Variants in NSD1 observed in about 807,000 individuals in gnomAD.
The protein encoded by NSD1 is nuclear receptor binding SET domain protein 1, also known as histone-lysine N-methyltransferase, H3 lysine-36 specific.
A neutral mutation model predicts 242.7 loss-of-function variants in NSD1; 26 were observed. The ratio of observed to expected loss-of-function variants is 0.11; its 90% CI spans 0.08 to 0.15. NSD1 has a LOEUF of 0.15. NSD1 is among the 10% of genes least tolerant of loss of function. The probability of loss-of-function intolerance (pLI) is 1.00; values close to 1 mark genes in which losing one functional copy is unlikely to be tolerated. For synonymous variants in NSD1, 1,106 were observed against 1,178.1 expected (o/e 0.94, Z 1.25); for missense variants, 2,495 against 3,272.8 (o/e 0.76, Z 5.80).
Position 177,164,504 on chromosome 5 carries a change from C to G in NSD1, c.928-27380C>G, listed in dbSNP as rs183568511. On this transcript the variant is annotated intron_variant, in intron 2 of 22. Transcript: ENST00000439151. The stretch of plus-strand genomic sequence containing the variant: ...TATGAGGATTTATTTCCTTGTCTGA[C>G]TTCTGAGTTGTAATCGTTTATTAAC... Among the ~76,000 whole-genome samples the G allele has an allele frequency of 1.1e-3, 160 of 152,208 alleles. 1 individual carries two copies. Among genetic ancestry groups the G allele is most frequent in the African/African-American group, 3.7e-3 (152 of 41,536 alleles).
chr5:177,263,155 G>A (rs567740643), intron 14 of NSD1, among the ~76,000 whole-genome samples: 11 of 152,338 alleles, frequency 7.2e-5, no homozygotes, highest in African/African-American at 2.2e-4. Context: ...GATCTCCTGA[G>A]GTTGTGTCAT....
intron 14 of NSD1, chr5:177,265,043 C>T: frequency 1.3e-6 from 1 of 760,556 alleles, no homozygotes. Flanking sequence ...GCATATTGAG[C>T]ACATTAAGCA....
intron 17 of NSD1, among the ~76,000 whole-genome samples, chr5:177,275,230 C>T (rs1158155918): frequency 2.6e-5 from 4 of 151,806 alleles, no homozygotes; most frequent in Admixed American, 2.0e-4. Flanking sequence ...ATAACCCTAC[C>T]GAAATCAGAC....
At chr5:177,181,234 G>C (rs1356691457) in intron 2 of NSD1, among the ~76,000 whole-genome samples, 1 of 151,818 alleles carries the variant, frequency 6.6e-6, no homozygotes, top group Non-Finnish European at 1.5e-5. Flanking sequence ...AGTGAGCCGA[G>C]ATTGTGCCAC....
At chr5:177,251,609 C>A in intron 11 of NSD1, 121 bp from the exon 12 acceptor site, 1 of 958,372 alleles carries the variant, frequency 1.0e-6, no homozygotes, top group South Asian at 1.5e-5. Context: ...CGGGCCCTTG[C>A]CTCTTTCTCA....
At position 177,135,583 on chromosome 5, in the gene NSD1, C is replaced by T. The variant is rs79427433; in HGVS notation, c.480C>T (p.Asp160=). Residue 160 remains aspartate (D), a synonymous_variant, in exon 2 of 23, where the codon GAC becomes GAT. Transcript: ENST00000439151. ...FLHFENFTCV[D]DADVDSEMDP... ...ACTTTGAGAATTTTACTTGTGTGGA[C>T]GATGCAGATGTAGATTCTGAAATGG... is the stretch of plus-strand genomic sequence containing the variant. 6.0e-4 allele frequency: 970 copies of T among 1,614,056 alleles called. 8 individuals carry two copies. In the East Asian group the frequency reaches 0.019, roughly 31 times the overall value.
At chr5:177,255,727 C>T (rs1466950131) in intron 12 of NSD1, among the ~76,000 whole-genome samples, 3 of 152,072 alleles carry the variant, frequency 2.0e-5, no homozygotes, top group African/African-American at 4.8e-5. Flanking sequence ...GGATTATAGG[C>T]GCCTGCCACC....
chr5:177,247,745 G>A (rs886250796), intron 10 of NSD1, among the ~76,000 whole-genome samples: 7 of 152,068 alleles, frequency 4.6e-5, no homozygotes, highest in African/African-American at 7.2e-5. Context: ...TATTATCTTC[G>A]GGTTTCCAAC....
At chr5:177,245,328 A>G (rs1766194748) in intron 9 of NSD1, among the ~76,000 whole-genome samples, 1 of 152,154 alleles carries the variant, frequency 6.6e-6, no homozygotes, top group Non-Finnish European at 1.5e-5. Context: ...AACTTTATCC[A>G]TTATAAATTT....
chr5:177,202,483 A>T (rs907673051), intron 3 of NSD1, among the ~76,000 whole-genome samples: 1 of 152,104 alleles, frequency 6.6e-6, no homozygotes, highest in Middle Eastern at 3.4e-3. Flanking sequence ...GGATGAAGTG[A>T]TCCTCCCTTC....
intron 5 of NSD1, among the ~76,000 whole-genome samples, chr5:177,218,968 C>T (rs1764020836): frequency 6.6e-6 from 1 of 151,720 alleles, no homozygotes; most frequent in South Asian, 2.1e-4. Context: ...AGGATTTTTG[C>T]ATCAGTATTT....
intron 2 of NSD1, among the ~76,000 whole-genome samples, chr5:177,169,201 CT>C (rs1462606325): frequency 6.6e-6 from 1 of 152,144 alleles, no homozygotes; most frequent in Non-Finnish European, 1.5e-5. Context: ...TGCTTTGGAG[CT>C]GCTGCTTAAG....
chr5:177,169,002 C>T (rs555019766), intron 2 of NSD1, among the ~76,000 whole-genome samples: 1 of 152,310 alleles, frequency 6.6e-6, no homozygotes, highest in East Asian at 1.9e-4. Context: ...TGGGCATTGT[C>T]ATGAATAATT....
At chr5:177,229,057 TCTC>T (rs1265715000) in intron 5 of NSD1, among the ~76,000 whole-genome samples, 2 of 152,150 alleles carry the variant, frequency 1.3e-5, no homozygotes, top group African/African-American at 2.4e-5. Context: ...GTCTTGTTCT[TCTC>T]ATTTGGTATA....
At chr5:177,290,203 C>T (rs1759707635) in intron 21 of NSD1, among the ~76,000 whole-genome samples, 1 of 145,692 alleles carries the variant, frequency 6.9e-6, no homozygotes, top group Admixed American at 7.1e-5. Context: ...AATGGATGGA[C>T]ATACTAGATG....
chr5:177,275,694 A>G (rs940146166), intron 17 of NSD1, among the ~76,000 whole-genome samples: 2 of 151,960 alleles, frequency 1.3e-5, no homozygotes, highest in Non-Finnish European at 2.9e-5. Context: ...TAGCCTCCCA[A>G]AGTGCTGGGA....
At position 177,230,157 on chromosome 5, in the gene NSD1, G is replaced by A. The variant is rs369005137; in HGVS notation, c.3797-5664G>A. Among the ~76,000 whole-genome samples the A allele has an allele frequency of 1.9e-4, 28 of 149,010 alleles. No homozygotes were observed. The East Asian group carries it at 2.2e-3, about 12-fold the overall frequency. On this transcript the variant is annotated intron_variant, in intron 5 of 22. Transcript: ENST00000439151. ...TTATTTTTTAGACGAAGTCTCACTC[G>A]GTCGCCCTGGCTGGAGTGCAGTGGT...
intron 8 of NSD1, among the ~76,000 whole-genome samples, chr5:177,243,756 G>A (rs1766070087): frequency 6.6e-6 from 1 of 151,892 alleles, no homozygotes; most frequent in Non-Finnish European, 1.5e-5. Flanking sequence ...GCAGTGGTGC[G>A]ATCTTGGCTC....
At chr5:177,204,355 G>A (rs1391361248) in intron 4 of NSD1, 63 bp downstream of exon 4, 3 of 1,461,018 alleles carry the variant, frequency 2.1e-6, no homozygotes, top group South Asian at 2.3e-5. Context: ...AAAGAAAATG[G>A]CCTCTTATTT....
Sources: gnomAD v4.1 joint callset for allele counts (sites outside exome capture counted in the v4.1 genomes callset) on GRCh38, gnomAD v4.1.1 for gene constraint, MANE v1.5 for transcripts, NCBI Gene and HGNC (gene_info 2026-07-23, HGNC 2026-07-21) for gene names.